The following EPM2A variants were observed in gnomAD, a reference collection of about 807,000 sequenced individuals.
EPM2A encodes laforin.
In EPM2A, 21 loss-of-function variants were observed where a neutral mutation model predicts 26.5. The ratio of observed to expected loss-of-function variants is 0.79; its 90% CI spans 0.56 to 1.14. EPM2A has a LOEUF of 1.14. Among genes scored for constraint, EPM2A ranks in the 50% most tolerant of loss-of-function variants. EPM2A has a pLI of 0.00. For missense variants in EPM2A, 458 were observed against 440.8 expected (o/e 1.04, Z -0.35); for synonymous variants, 217 against 177.6 (o/e 1.22, Z -1.76).
chr6:145,624,158 T>C (rs1775696069), downstream of EPM2A, among the ~76,000 whole-genome samples: 1 of 152,174 alleles, frequency 6.6e-6, no homozygotes, highest in Non-Finnish European at 1.5e-5. Flanking sequence ...GGCACACCTA[T>C]GCCATGATTT....
downstream of EPM2A, among the ~76,000 whole-genome samples, chr6:145,497,419 C>T (rs1003720757): frequency 5.3e-5 from 8 of 152,200 alleles, no homozygotes; most frequent in African/African-American, 1.7e-4. Flanking sequence ...TCTCTGGGAG[C>T]TCCATTCCAG....
At chr6:145,524,927 TGTTGA>T (rs976788508) in intron 2 of EPM2A, among the ~76,000 whole-genome samples, 1 of 152,184 alleles carries the variant, frequency 6.6e-6, no homozygotes, top group African/African-American at 2.4e-5. Flanking sequence ...ATTTAATTCA[TGTTGA>T]GTTAATTTTT....
intron 2 of EPM2A, among the ~76,000 whole-genome samples, chr6:145,612,184 A>C (rs1233566812): frequency 6.6e-6 from 1 of 152,206 alleles, no homozygotes; most frequent in Non-Finnish European, 1.5e-5. Flanking sequence ...ATATTATGCA[A>C]GTGCTATAAC....
chr6:145,464,396 T>G (rs2114719262), intron 4 of EPM2A, among the ~76,000 whole-genome samples: 1 of 152,246 alleles, frequency 6.6e-6, no homozygotes, highest in East Asian at 1.9e-4. Flanking sequence ...AATGGACTAA[T>G]ACACAACTTG....
chr6:145,610,020 G>C (rs1775357317), intron 2 of EPM2A, among the ~76,000 whole-genome samples: 1 of 152,182 alleles, frequency 6.6e-6, no homozygotes, highest in Admixed American at 6.5e-5. Context: ...TTCAAGACCA[G>C]CCTGGCCAAG....
intron 4 of EPM2A, among the ~76,000 whole-genome samples, chr6:145,425,293 C>A (rs1778841165): frequency 6.6e-6 from 1 of 152,108 alleles, no homozygotes; most frequent in African/African-American, 2.4e-5. Flanking sequence ...CCCACCTCGG[C>A]CTCCTGAGTA....
intron 2 of EPM2A, among the ~76,000 whole-genome samples, chr6:145,585,209 T>C (rs1781176069): frequency 6.6e-6 from 1 of 152,218 alleles, no homozygotes; most frequent in African/African-American, 2.4e-5. Flanking sequence ...ATGATGTATC[T>C]TGGTATTGTT....
intron 2 of EPM2A, among the ~76,000 whole-genome samples, chr6:145,550,820 A>T (rs185008045): frequency 6.6e-6 from 1 of 152,082 alleles, no homozygotes; most frequent in African/African-American, 2.4e-5. Context: ...AGAATAAACT[A>T]TATAATACAT....
At chr6:145,712,889 G>A (rs1775416033) in intron 1 of EPM2A, among the ~76,000 whole-genome samples, 2 of 152,082 alleles carry the variant, frequency 1.3e-5, no homozygotes, top group Non-Finnish European at 2.9e-5. Flanking sequence ...TAACAAATCT[G>A]TAAAGGGCAC....
rs577375922 is a variant in EPM2A at position 145,685,171 on chromosome 6, T to C, written c.476+951A>G. Among the ~76,000 whole-genome samples the C allele has an allele frequency of 1.2e-4, 18 of 152,304 alleles. No homozygotes were observed. In the South Asian group the frequency reaches 3.7e-3, roughly 32 times the overall value. ...AATCGAAGTGTGAAAGACATTTATA[T>C]TTACTAAGTTTAATGTAAATTCTAT... On this transcript the variant is annotated intron_variant, in intron 2 of 3. Coordinates refer to ENST00000367519, the MANE Select transcript of EPM2A (RefSeq NM_005670.4).
chr6:145,390,591 TTCTC>T (rs2114657071), intron 4 of EPM2A, among the ~76,000 whole-genome samples: 1 of 102,194 alleles, frequency 9.8e-6, no homozygotes, highest in Non-Finnish European at 2.4e-5. Flanking sequence ...CTCTCTTTCT[TTCTC>T]TCGCTCCCGC....
intron 2 of EPM2A, among the ~76,000 whole-genome samples, chr6:145,553,330 A>G (rs1181556671): frequency 6.6e-6 from 1 of 152,112 alleles, no homozygotes; most frequent in East Asian, 1.9e-4. Flanking sequence ...ATGGACTAAT[A>G]CAACATCTGT....
At chr6:145,673,921 G>A (rs561648322) in intron 2 of EPM2A, among the ~76,000 whole-genome samples, 12 of 152,180 alleles carry the variant, frequency 7.9e-5, no homozygotes, top group Non-Finnish European at 1.2e-4. Flanking sequence ...TCTGAAGAGA[G>A]CAGTGGTTCT....
chr6:145,594,469 T>C (rs146998661), intron 2 of EPM2A, among the ~76,000 whole-genome samples: 1 of 151,894 alleles, frequency 6.6e-6, no homozygotes, highest in East Asian at 1.9e-4. Context: ...CCACATTAGC[T>C]TAATGCTGGA....
chr6:145,681,143 T>G (rs1345726486), intron 2 of EPM2A, among the ~76,000 whole-genome samples: 2 of 152,048 alleles, frequency 1.3e-5, no homozygotes, highest in East Asian at 1.9e-4. Flanking sequence ...TGATGGCCAG[T>G]GATGATGAGC....
intron 2 of EPM2A, among the ~76,000 whole-genome samples, chr6:145,565,340 A>T (rs1780870728): frequency 6.6e-6 from 1 of 152,202 alleles, no homozygotes; most frequent in African/African-American, 2.4e-5. Flanking sequence ...GGCGCAAATG[A>T]GAGGTTACAG....
chr6:145,711,508 G>C (rs1562512358), intron 1 of EPM2A, among the ~76,000 whole-genome samples: 1 of 152,102 alleles, frequency 6.6e-6, no homozygotes, highest in Non-Finnish European at 1.5e-5. Context: ...AGGATATACA[G>C]GTCTGGAGCC....
chr6:145,645,041 T>G (rs1024671508), intron 2 of EPM2A, among the ~76,000 whole-genome samples: 1 of 152,218 alleles, frequency 6.6e-6, no homozygotes, highest in Non-Finnish European at 1.5e-5. Flanking sequence ...AGTTGGTATA[T>G]CTCAAACAAC....
At chr6:145,482,017 TA>T (rs896605992) in intron 4 of EPM2A, among the ~76,000 whole-genome samples, 1 of 152,096 alleles carries the variant, frequency 6.6e-6, no homozygotes, top group African/African-American at 2.4e-5. Context: ...ACACTACCTG[TA>T]AAAAAAGGCA....
Sources: allele counts gnomAD v4.1 joint callset (sites outside exome capture counted in the v4.1 genomes callset), GRCh38; gene constraint gnomAD v4.1.1; transcripts MANE v1.5; gene names NCBI Gene and HGNC (gene_info 2026-07-23, HGNC 2026-07-21).